MYO16: variants seen among roughly 807,000 people sequenced by gnomAD.
MYO16 encodes myosin XVI.
Under a neutral mutation model 205.3 loss-of-function variants are expected in MYO16, and 94 were observed. That is an observed-to-expected ratio of 0.46 (90% CI 0.39 to 0.54). MYO16 has a LOEUF of 0.54. Among genes scored for constraint, MYO16 ranks in the 20% least tolerant of loss-of-function variants. The probability of loss-of-function intolerance (pLI) is 0.00; values close to 1 mark genes in which losing one functional copy is unlikely to be tolerated. For synonymous variants in MYO16, 988 were observed against 954.0 expected, an observed-to-expected ratio of 1.04 and a Z score of -0.66; for missense variants, 2,315 against 2,387.5, an observed-to-expected ratio of 0.97 and a Z score of 0.63.
chr13:109,036,152 T>A (rs1225054283), intron 23 of MYO16, among the ~76,000 whole-genome samples: 1 of 152,174 alleles, frequency 6.6e-6, no homozygotes, highest in Admixed American at 6.5e-5. Flanking sequence ...CCCTGGACCT[T>A]CTTTAACAAG....
chr13:109,038,028 A>G (rs1235891253), intron 23 of MYO16, among the ~76,000 whole-genome samples: 1 of 152,218 alleles, frequency 6.6e-6, no homozygotes, highest in Admixed American at 6.5e-5. Context: ...GGAAAATGGG[A>G]AAATGCTGTA....
intron 1 of MYO16, among the ~76,000 whole-genome samples, chr13:108,630,434 T>G (rs1288828845): frequency 6.6e-6 from 1 of 152,234 alleles, no homozygotes; most frequent in Non-Finnish European, 1.5e-5. Flanking sequence ...GATGTTCATA[T>G]GGTGAAATTT....
chr13:108,607,570 C>A (rs1399352022), intron 1 of MYO16, among the ~76,000 whole-genome samples: 2 of 152,200 alleles, frequency 1.3e-5, no homozygotes, highest in African/African-American at 4.8e-5. Flanking sequence ...CCTAGCCATG[C>A]ACAACTCTGT....
intron 1 of MYO16, among the ~76,000 whole-genome samples, chr13:108,617,027 G>A (rs1336893268): frequency 3.7e-4 from 56 of 152,236 alleles, no homozygotes; most frequent in Non-Finnish European, 2.9e-5. Context: ...TCTCTCATCT[G>A]TTTGCTCATC....
intron 14 of MYO16, among the ~76,000 whole-genome samples, chr13:108,889,221 A>G (rs550772276): frequency 4.2e-5 from 6 of 141,552 alleles, no homozygotes; most frequent in African/African-American, 1.6e-4. Context: ...TGGGCAGGCC[A>G]TGCACCTTTG....
rs1430059005 is a variant in MYO16 at position 109,008,597 on chromosome 13, A to G, written c.2443-300A>G. 1.8e-5 allele frequency among the ~76,000 whole-genome samples: 2 copies of G among 109,736 alleles called. 1 individual carries two copies. The highest frequency in any genetic ancestry group is 7.8e-5 in the African/African-American group (2 of 25,562). 72.0% of individuals were successfully genotyped at this position (109,736 alleles called of 152,430 possible). A position where few individuals can be genotyped will look rare whatever the true frequency, so the allele number is the denominator to read the frequency against. Reference sequence around the variant, plus strand: ...TATCTTGTGTATGCACTACTGTACTATCTTGTGTATGCACTACTGTACTAT... The same window carrying G: ...TATCTTGTGTATGCACTACTGTACTGTCTTGTGTATGCACTACTGTACTAT... On this transcript the variant is annotated intron_variant, in intron 21 of 34. Coordinates refer to ENST00000457511, the MANE Select transcript of MYO16 (RefSeq NM_001198950.3).
intron 1 of MYO16, among the ~76,000 whole-genome samples, chr13:108,661,971 G>A (rs748259945): frequency 1.3e-5 from 2 of 152,214 alleles, no homozygotes; most frequent in Non-Finnish European, 2.9e-5. Flanking sequence ...CTGTCCTATG[G>A]GGTGTTCCTT....
chr13:108,538,137 C>G, the MYO16 span, among the ~76,000 whole-genome samples: 2 of 151,916 alleles, frequency 1.3e-5, no homozygotes, highest in African/African-American at 2.4e-5. Context: ...TGAGCACTTT[C>G]TTTTTCTATT....
chr13:108,510,461 G>GTTTTTTTTTTTTTTTTTTTTTTT, the MYO16 span, among the ~76,000 whole-genome samples: 1 of 45,916 alleles, frequency 2.2e-5, no homozygotes, highest in African/African-American at 1.0e-4. Flanking sequence ...ATTGATAGCT[G>GTTTTTTTTTTTTTTTTTTTTTTT]TTTTTTTTTT....
At chr13:108,618,170 C>T (rs889048559) in intron 1 of MYO16, among the ~76,000 whole-genome samples, 4 of 152,186 alleles carry the variant, frequency 2.6e-5, no homozygotes, top group South Asian at 2.1e-4. Flanking sequence ...CTGTTCTTCA[C>T]AGAGCATCAC....
chr13:108,680,813 C>A (rs555735545), intron 2 of MYO16, among the ~76,000 whole-genome samples: 71 of 152,184 alleles, frequency 4.7e-4, no homozygotes, highest in African/African-American at 1.7e-3. Flanking sequence ...AGGTTCAGGG[C>A]TTTATTAGGG....
the MYO16 span, among the ~76,000 whole-genome samples, chr13:108,576,403 AC>A: frequency 6.6e-6 from 1 of 152,204 alleles, no homozygotes; most frequent in African/African-American, 2.4e-5. Flanking sequence ...CCACTGTCAT[AC>A]TGAGGAACAA....
chr13:108,575,554 G>T, the MYO16 span, among the ~76,000 whole-genome samples: 1 of 152,110 alleles, frequency 6.6e-6, no homozygotes, highest in Non-Finnish European at 1.5e-5. Context: ...CTCCCTTGGG[G>T]GAGAGAGGCA....
At chr13:108,611,984 T>TTC in intron 1 of MYO16, among the ~76,000 whole-genome samples, 1 of 141,532 alleles carries the variant, frequency 7.1e-6, no homozygotes, top group Non-Finnish European at 1.6e-5. Flanking sequence ...TTTTTTTTTT[T>TTC]TTTTTTTTTG....
chr13:108,908,223 T>C (rs950080390), intron 15 of MYO16, among the ~76,000 whole-genome samples: 7 of 152,210 alleles, frequency 4.6e-5, no homozygotes, highest in Admixed American at 4.6e-4. Context: ...CCATCACCTT[T>C]GGGCTTTACT....
intron 1 of MYO16, among the ~76,000 whole-genome samples, chr13:108,599,955 T>C (rs1489892419): frequency 6.6e-6 from 1 of 152,190 alleles, no homozygotes; most frequent in Non-Finnish European, 1.5e-5. Context: ...AAAATTTTCT[T>C]CAATTCCACG....
Position 108,961,650 on chromosome 13 carries a change from G to C in MYO16, c.2149G>C (p.Glu717Gln), listed in dbSNP as rs1390599623. 6.2e-7 allele frequency: 1 copy of C among 1,611,298 alleles called. No individual in the cohort carries two copies. The highest frequency in any genetic ancestry group is 1.1e-5 in the South Asian group (1 of 91,024). ...CTTCGTTTCTGACCTCCAGCTCCTG[G>C]AACAAGGTCAGTGGAACATGACCTT... ...SAFVSDLQLLEQVAGMLQVST... is the reference protein window; with the variant it reads ...SAFVSDLQLLQQVAGMLQVST... The change falls in exon 18 of 35, where the codon GAA (glutamate) becomes CAA (glutamine). Residue 717 changes from glutamate to glutamine, a missense_variant. Coordinates refer to ENST00000457511, the MANE Select transcript of MYO16 (RefSeq NM_001198950.3).
intron 12 of MYO16, among the ~76,000 whole-genome samples, chr13:108,871,237 T>C (rs1879038647): frequency 6.6e-6 from 1 of 152,108 alleles, no homozygotes; most frequent in Non-Finnish European, 1.5e-5. Context: ...TTCGTCTTCA[T>C]CATGCCACTT....
chr13:108,685,707 A>G (rs766260071), intron 2 of MYO16, among the ~76,000 whole-genome samples: 1 of 152,166 alleles, frequency 6.6e-6, no homozygotes, highest in Non-Finnish European at 1.5e-5. Context: ...CTTATACAGC[A>G]GGCATTTATT....
Sources: allele counts gnomAD v4.1 joint callset (sites outside exome capture counted in the v4.1 genomes callset), GRCh38; gene constraint gnomAD v4.1.1; transcripts MANE v1.5; gene names NCBI Gene and HGNC (gene_info 2026-07-23, HGNC 2026-07-21).